The following SYT1 variants were observed in gnomAD, a reference collection of about 807,000 sequenced individuals.
SYT1 encodes synaptotagmin-1.
Under a neutral mutation model 44.8 loss-of-function variants are expected in SYT1, and 8 were observed. The observed-to-expected ratio is 0.18, with a 90% CI of 0.10 to 0.32. SYT1 has a LOEUF of 0.32. Among genes scored for constraint, SYT1 ranks in the 10% least tolerant of loss-of-function variants. The probability of loss-of-function intolerance (pLI) is 1.00; values close to 1 mark genes in which losing one functional copy is unlikely to be tolerated. For missense variants in SYT1, 286 were observed against 509.3 expected (o/e 0.56, Z 4.22); for synonymous variants, 154 against 188.8 (o/e 0.82, Z 1.51).
intron 9 of SYT1, among the ~76,000 whole-genome samples, chr12:79,384,488 T>C (rs1593020227): frequency 6.6e-6 from 1 of 152,144 alleles, no homozygotes. Context: ...CTGAACTAGG[T>C]ACAAAAATGC....
chr12:79,088,937 C>T (rs894203148), intron 3 of SYT1, among the ~76,000 whole-genome samples: 21 of 151,868 alleles, frequency 1.4e-4, no homozygotes, highest in African/African-American at 5.1e-4. Context: ...GCTTCCATTT[C>T]TTGAGATGGG....
At chr12:79,168,933 T>A (rs1215830845) in intron 3 of SYT1, among the ~76,000 whole-genome samples, 37 of 152,034 alleles carry the variant, frequency 2.4e-4, no homozygotes, top group Admixed American at 2.2e-3. Flanking sequence ...TTCGACATTC[T>A]TTTCAAGGCA....
intron 2 of SYT1, among the ~76,000 whole-genome samples, chr12:79,010,301 A>G (rs1185700757): frequency 6.6e-6 from 1 of 152,126 alleles, no homozygotes; most frequent in Non-Finnish European, 1.5e-5. Context: ...CTCTCAGAAA[A>G]TAAAAGGTGG....
At chr12:79,364,484 G>C (rs1883456829) in intron 9 of SYT1, among the ~76,000 whole-genome samples, 1 of 152,132 alleles carries the variant, frequency 6.6e-6, no homozygotes, top group Non-Finnish European at 1.5e-5. Flanking sequence ...GAAGTCAAAA[G>C]ACCATACCGG....
At chr12:79,023,595 G>A (rs192789505) in intron 2 of SYT1, among the ~76,000 whole-genome samples, 22 of 151,886 alleles carry the variant, frequency 1.4e-4, no homozygotes, top group Admixed American at 5.9e-4. Flanking sequence ...GCCTGTAGTC[G>A]TTGTTTTTAG....
chr12:78,931,486 A>T (rs1003743101), intron 1 of SYT1, among the ~76,000 whole-genome samples: 1 of 151,930 alleles, frequency 6.6e-6, no homozygotes, highest in Non-Finnish European at 1.5e-5. Flanking sequence ...AGAAAGAAAG[A>T]GAAAGAGTTA....
At chr12:79,296,371 A>C (rs1457674340) in intron 7 of SYT1, 135 bp downstream of exon 7, 1 of 888,250 alleles carries the variant, frequency 1.1e-6, no homozygotes, top group Admixed American at 3.0e-5. Flanking sequence ...GAATATGCAA[A>C]ATTCTTATCT....
At chr12:79,396,737 A>G (rs1884885374) in intron 9 of SYT1, among the ~76,000 whole-genome samples, 1 of 152,196 alleles carries the variant, frequency 6.6e-6, no homozygotes, top group Admixed American at 6.5e-5. Flanking sequence ...TGTGTCAACA[A>G]ATATTTATTG....
Position 79,097,546 on chromosome 12 carries a change from C to G in SYT1, c.-18+50184C>G, listed in dbSNP as rs577948540. Among the ~76,000 whole-genome samples, 6 of 152,034 alleles carry G rather than the reference C, an allele frequency of 3.9e-5. 1 individual carries two copies. The East Asian group carries it at 1.2e-3, about 29-fold the overall frequency. On this transcript the variant is annotated intron_variant, in intron 3 of 10. Transcript: ENST00000261205. Reference sequence around the variant, plus strand: ...AACACATGTTTCCCTTTTCTTATGACTCCCTATAGCAGCTGGTATCACTAT... The same window carrying G: ...AACACATGTTTCCCTTTTCTTATGAGTCCCTATAGCAGCTGGTATCACTAT...
At chr12:78,875,237 T>A (rs549921458) in intron 1 of SYT1, among the ~76,000 whole-genome samples, 9 of 151,704 alleles carry the variant, frequency 5.9e-5, no homozygotes, top group African/African-American at 2.2e-4. Flanking sequence ...CTTCGGTAAG[T>A]ATGATGATGT....
intron 2 of SYT1, among the ~76,000 whole-genome samples, chr12:79,013,900 G>T (rs1289709549): frequency 6.6e-6 from 1 of 151,988 alleles, no homozygotes; most frequent in Non-Finnish European, 1.5e-5. Flanking sequence ...GGCCAAGGCG[G>T]GCAGATAATG....
At chr12:79,234,093 C>T (rs1340759477) in intron 4 of SYT1, among the ~76,000 whole-genome samples, 2 of 152,278 alleles carry the variant, frequency 1.3e-5, no homozygotes, top group Non-Finnish European at 2.9e-5. Flanking sequence ...TTCCTTCTAA[C>T]ATTCTTTCTC....
intron 4 of SYT1, among the ~76,000 whole-genome samples, chr12:79,248,166 G>GA (rs1430120954): frequency 2.6e-5 from 4 of 152,022 alleles, no homozygotes; most frequent in Non-Finnish European, 5.9e-5. Context: ...TGAGATTTCT[G>GA]AAAAAAATAT....
At chr12:79,094,036 A>G (rs1877954830) in intron 3 of SYT1, among the ~76,000 whole-genome samples, 1 of 151,768 alleles carries the variant, frequency 6.6e-6, no homozygotes, top group East Asian at 1.9e-4. Context: ...TTCTCTTGTA[A>G]CAAGAAGTTA....
chr12:78,967,421 A>T (rs1365462485), intron 1 of SYT1, among the ~76,000 whole-genome samples: 3 of 152,212 alleles, frequency 2.0e-5, no homozygotes, highest in African/African-American at 7.2e-5. Context: ...CAATAACATG[A>T]TAACAGCCTG....
intron 3 of SYT1, among the ~76,000 whole-genome samples, chr12:79,163,734 C>A (rs772896312): frequency 6.6e-6 from 1 of 152,198 alleles, no homozygotes. Context: ...CCCGCCATCA[C>A]CAATGAATAC....
chr12:79,350,443 G>A (rs1342228042), intron 8 of SYT1, among the ~76,000 whole-genome samples: 2 of 151,768 alleles, frequency 1.3e-5, no homozygotes, highest in African/African-American at 4.8e-5. Flanking sequence ...TAGTAGAGAC[G>A]GGGTTTTACC....
At position 79,191,392 on chromosome 12, in the gene SYT1, A is replaced by G. The variant is rs74793911; in HGVS notation, c.-17-26111A>G. On this transcript the variant is annotated intron_variant, in intron 3 of 10. Coordinates refer to ENST00000261205, the MANE Select transcript of SYT1 (RefSeq NM_005639.3). ...TGTAAAAACTCTATTTTGCTGTTCAAAGACATTCACATGAAATTTTTTTAG... is the reference window on the plus strand; with the variant it reads ...TGTAAAAACTCTATTTTGCTGTTCAGAGACATTCACATGAAATTTTTTTAG... Among the ~76,000 whole-genome samples the G allele has an allele frequency of 8.0e-4, 122 of 152,300 alleles. No homozygotes were observed. The East Asian group carries it at 0.012, about 15-fold the overall frequency.
chr12:78,919,512 A>G (rs561215449), intron 1 of SYT1, among the ~76,000 whole-genome samples: 1 of 152,070 alleles, frequency 6.6e-6, no homozygotes, highest in Non-Finnish European at 1.5e-5. Context: ...TTCCCCTTAC[A>G]TTTTTGCTTT....
Sources: gnomAD v4.1 joint callset for allele counts (sites outside exome capture counted in the v4.1 genomes callset) on GRCh38, gnomAD v4.1.1 for gene constraint, MANE v1.5 for transcripts, NCBI Gene and HGNC (gene_info 2026-07-23, HGNC 2026-07-21) for gene names.